STON2: variants seen among roughly 807,000 people sequenced by gnomAD.
The protein encoded by STON2 is stonin-2.
A neutral mutation model predicts 65.7 loss-of-function variants in STON2; 29 were observed. That is an observed-to-expected ratio of 0.44 (90% CI 0.33 to 0.60). The LOEUF (loss-of-function observed/expected upper bound fraction) is 0.60, where lower values mean the gene tolerates loss of function less well. Among genes scored for constraint, STON2 ranks in the 20% least tolerant of loss-of-function variants. The pLI is 0.03. For missense variants in STON2, 1,054 were observed against 1,118.1 expected (o/e 0.94, Z 0.82); for synonymous variants, 404 against 414.2 (o/e 0.98, Z 0.30).
intron 2 of STON2, among the ~76,000 whole-genome samples, chr14:81,397,735 C>G (rs1900396593): frequency 6.6e-6 from 1 of 152,136 alleles, no homozygotes; most frequent in Non-Finnish European, 1.5e-5. Context: ...TCCTTATGAT[C>G]AAGGATGACC....
intron 4 of STON2, among the ~76,000 whole-genome samples, chr14:81,368,777 C>T (rs1898853151): frequency 6.6e-6 from 1 of 152,152 alleles, no homozygotes; most frequent in African/African-American, 2.4e-5. Context: ...TCCTTGTAGC[C>T]ATAGAAACTG....
intron 3 of STON2, among the ~76,000 whole-genome samples, chr14:81,393,611 C>A (rs774604126): frequency 1.3e-5 from 2 of 152,196 alleles, no homozygotes; most frequent in Non-Finnish European, 2.9e-5. Flanking sequence ...AATATTAATA[C>A]CTTCCTCATA....
chr14:81,275,490 G>C (rs1002251888), intron 6 of STON2, among the ~76,000 whole-genome samples: 2 of 152,058 alleles, frequency 1.3e-5, no homozygotes, highest in African/African-American at 4.8e-5. Flanking sequence ...TGTCAAAGGA[G>C]AGTTCAGGGT....
rs192746192 is a variant in STON2, at chr14:81,379,135, T to C, written c.374-7950A>G. 6.6e-5 allele frequency among the ~76,000 whole-genome samples: 10 copies of C among 152,346 alleles called. 1 individual carries two copies. Among genetic ancestry groups the C allele is most frequent in the Admixed American group, 3.3e-4 (5 of 15,304 alleles). On this transcript the variant is annotated intron_variant, in intron 3 of 7. Coordinates refer to ENST00000614646, the MANE Select transcript of STON2 (RefSeq NM_001394390.1). ...TATATGTAAAATAACCAAAAGACTT[T>C]ACCAATAAGTTAGCAAATTAATAAT...
At chr14:81,429,968 C>A (rs755357064) in intron 1 of STON2, among the ~76,000 whole-genome samples, 1 of 152,164 alleles carries the variant, frequency 6.6e-6, no homozygotes, top group African/African-American at 2.4e-5. Flanking sequence ...CATCTAGCTC[C>A]GACTTCCCTT....
At chr14:81,363,776 G>T (rs1174984909) in intron 4 of STON2, among the ~76,000 whole-genome samples, 1 of 152,072 alleles carries the variant, frequency 6.6e-6, no homozygotes, top group East Asian at 1.9e-4. Context: ...TATATTCAAG[G>T]TTTAAAAATA....
intron 4 of STON2, among the ~76,000 whole-genome samples, chr14:81,369,197 T>A (rs1898876175): frequency 6.6e-6 from 1 of 152,164 alleles, no homozygotes; most frequent in African/African-American, 2.4e-5. Flanking sequence ...CATTAAGCTC[T>A]CTCCAGATAA....
chr14:81,274,608 C>T (rs1894733014), intron 6 of STON2, among the ~76,000 whole-genome samples: 1 of 151,852 alleles, frequency 6.6e-6, no homozygotes, highest in Non-Finnish European at 1.5e-5. Context: ...AAATGCACTC[C>T]TCTCCCCTAG....
chr14:81,310,910 T>C (rs74065092), intron 5 of STON2, among the ~76,000 whole-genome samples: 2,194 of 152,276 alleles, frequency 0.014, 62 homozygotes, highest in African/African-American at 0.049. Context: ...CCTTTGACTT[T>C]TCATAGGTGT....
At chr14:81,382,477 G>C (rs372911663) in intron 3 of STON2, among the ~76,000 whole-genome samples, 1 of 152,230 alleles carries the variant, frequency 6.6e-6, no homozygotes, top group Non-Finnish European at 1.5e-5. Context: ...TGATGCATGT[G>C]TAGGTAGTAA....
intron 2 of STON2, among the ~76,000 whole-genome samples, chr14:81,411,187 T>C (rs1901139611): frequency 6.6e-6 from 1 of 152,166 alleles, no homozygotes; most frequent in African/African-American, 2.4e-5. Flanking sequence ...ACCAGTTTTC[T>C]GGAGCAGCAG....
At chr14:81,360,422 A>T (rs2140338386) in intron 4 of STON2, among the ~76,000 whole-genome samples, 1 of 152,310 alleles carries the variant, frequency 6.6e-6, no homozygotes, top group East Asian at 1.9e-4. Context: ...AATAAAAGAT[A>T]AAAAAAGATC....
Position 81,277,140 on chromosome 14 carries a change from G to A in STON2, c.2342C>T (p.Pro781Leu). The change falls in exon 6 of 8, where the codon CCC (proline) becomes CTC (leucine). Residue 781 changes from proline to leucine, a missense_variant. Pro to Leu is a moderately conservative substitution (Grantham distance 98, BLOSUM62 -3). Coordinates refer to ENST00000614646, the MANE Select transcript of STON2 (RefSeq NM_001394390.1). ...SANRDPLTQV[P>L]CENVMIRYPV... ...GTAACGGATCATCACATTCTCACAG[G>A]GAACCTGAGTGAGGGGGTCACGATT... 2 of 1,614,130 alleles carry A rather than the reference G, an allele frequency of 1.2e-6. No individual in the cohort carries two copies. The highest frequency in any genetic ancestry group is 1.7e-6 in the Non-Finnish European group (2 of 1,180,032).
chr14:81,428,822 G>A (rs1172353310), intron 1 of STON2, among the ~76,000 whole-genome samples: 1 of 152,136 alleles, frequency 6.6e-6, no homozygotes, highest in African/African-American at 2.4e-5. Context: ...TATCCCATTT[G>A]GTTTTTTTAA....
chr14:81,269,301 C>T (rs1344343161), intron 7 of STON2: 4 of 984,896 alleles, frequency 4.1e-6, no homozygotes, highest in Non-Finnish European at 4.8e-6. Flanking sequence ...CCACAGCACC[C>T]GGCCACCTCC....
chr14:81,278,446 C>A lies in STON2; in HGVS notation c.1036G>T (p.Val346Phe). The change falls in exon 6 of 8, where the codon GTT becomes TTT. Residue 346 changes from valine (V) to phenylalanine (F), a missense_variant. Coordinates refer to ENST00000614646, the MANE Select transcript of STON2 (RefSeq NM_001394390.1). ...PKSTLMNFSK[V>F]QKLDISSLNR... is the part of the protein sequence containing the mutation. Reference sequence around the variant, plus strand: ...AAAGAGGAAATATCCAGCTTCTGAACTTTGGAGAAGTTCATCAAAGTGCTC... The same window carrying A: ...AAAGAGGAAATATCCAGCTTCTGAAATTTGGAGAAGTTCATCAAAGTGCTC... 1.2e-6 allele frequency: 2 copies of A among 1,614,208 alleles called. No individual in the cohort carries two copies. Among genetic ancestry groups the A allele is most frequent in the Non-Finnish European group, 1.7e-6 (2 of 1,180,040 alleles).
Position 81,262,115 on chromosome 14 carries a change from G to A in STON2, c.*6299C>T. On this transcript the variant is annotated 3_prime_UTR_variant, in exon 8 of 8. Coordinates refer to ENST00000614646, the MANE Select transcript of STON2 (RefSeq NM_001394390.1). Reference sequence around the variant, plus strand: ...AACCCACAACTTTAGAGCTGGAAAGGACTTGAAGAAACAATTAATCCAACT... The same window carrying A: ...AACCCACAACTTTAGAGCTGGAAAGAACTTGAAGAAACAATTAATCCAACT... 2 of 985,356 alleles carry A rather than the reference G, an allele frequency of 2.0e-6. No homozygotes were observed. Among genetic ancestry groups the A allele is most frequent in the Non-Finnish European group, 2.4e-6 (2 of 829,900 alleles). 61.0% of individuals were successfully genotyped at this position (985,356 alleles called of 1,614,324 possible).
At position 81,278,547 on chromosome 14, in the gene STON2, G is replaced by A. The variant is rs753353618; in HGVS notation, c.935C>T (p.Thr312Ile). 31 of 1,612,752 alleles carry A rather than the reference G, an allele frequency of 1.9e-5. No individual in the cohort carries two copies. Among genetic ancestry groups the A allele is most frequent in the East Asian group, 8.9e-5 (4 of 44,866 alleles). ...PPVTSPLKPNTPPSASVIPDV... is the reference protein window; with the variant it reads ...PPVTSPLKPNIPPSASVIPDV... Reference sequence around the variant, plus strand: ...TGGGATCACAGATGCACTTGGTGGTGTATTTGGCTTCAGAGGAGAGGTGAC... The same window carrying A: ...TGGGATCACAGATGCACTTGGTGGTATATTTGGCTTCAGAGGAGAGGTGAC... Residue 312 changes from threonine to isoleucine, a missense_variant, in exon 6 of 8, where the codon ACA becomes ATA. Thr to Ile is a moderately conservative substitution (Grantham distance 89). Transcript: ENST00000614646.
chr14:81,278,690 G>C lies in STON2; in HGVS notation c.792C>G (p.Ile264Met). ...QEDEEVEMEAISWQASSPAMN... is the reference protein window; with the variant it reads ...QEDEEVEMEAMSWQASSPAMN... The stretch of plus-strand genomic sequence containing the variant: ...TGGCTGGACTGCTGGCCTGCCAGCT[G>C]ATGGCCTCCATCTCTACTTCTTCAT... The change falls in exon 6 of 8, where the codon ATC (isoleucine) becomes ATG (methionine). Residue 264 changes from isoleucine to methionine, a missense_variant. By Grantham distance (10) the Ile-to-Met change is conservative. Coordinates refer to ENST00000614646, the MANE Select transcript of STON2 (RefSeq NM_001394390.1). The C allele has an allele frequency of 6.6e-7, 1 of 1,524,884 alleles. No homozygotes were observed. The highest frequency in any genetic ancestry group is 8.8e-7 in the Non-Finnish European group (1 of 1,139,104). The allele number at this position is 1,524,884 out of a possible 1,614,324, so 94.5% of individuals were successfully genotyped here.
Sources: allele counts gnomAD v4.1 joint callset (sites outside exome capture counted in the v4.1 genomes callset), GRCh38; gene constraint gnomAD v4.1.1; transcripts MANE v1.5; gene names NCBI Gene and HGNC (gene_info 2026-07-23, HGNC 2026-07-21).